Variants in EPSTI1 observed in about 807,000 individuals in gnomAD.
EPSTI1 encodes epithelial-stromal interaction protein 1.
EPSTI1 carries 66 observed loss-of-function variants against 49.9 expected under a neutral mutation model. The observed-to-expected ratio is 1.32, with a 90% CI of 1.08 to 1.62. The LOEUF (loss-of-function observed/expected upper bound fraction) is 1.62, where lower values mean the gene tolerates loss of function less well. EPSTI1 is among the 40% of genes most tolerant of loss of function. EPSTI1 has a pLI of 0.00. For missense variants in EPSTI1, 394 were observed against 365.5 expected (o/e 1.08, Z -0.64); for synonymous variants, 137 against 130.7 (o/e 1.05, Z -0.33).
chr13:42,979,194 C>T (rs1594759033), intron 1 of EPSTI1, among the ~76,000 whole-genome samples: 1 of 152,096 alleles, frequency 6.6e-6, no homozygotes, highest in South Asian at 2.1e-4. Context: ...TTACATTCTC[C>T]AGGTTCCAAA....
chr13:42,981,083 T>C (rs536451979), intron 1 of EPSTI1, among the ~76,000 whole-genome samples: 1 of 152,264 alleles, frequency 6.6e-6, no homozygotes, highest in African/African-American at 2.4e-5. Context: ...TCTACAGGAC[T>C]TTAATGGATT....
At chr13:42,931,548 T>C (rs2038374499) in intron 6 of EPSTI1, among the ~76,000 whole-genome samples, 1 of 152,254 alleles carries the variant, frequency 6.6e-6, no homozygotes. Context: ...CTAACCTGAC[T>C]CAAACATCAG....
chr13:42,964,046 T>G lies in EPSTI1; in HGVS notation c.405+20A>C, dbSNP rs2039536778. On this transcript the variant is annotated intron_variant, in intron 4 of 10. Coordinates refer to ENST00000313624, the MANE Select transcript of EPSTI1 (RefSeq NM_033255.5). ...CTCATATTCCTTACCAAAATTCAAC[T>G]AAAAGAGATGAATTCTGACCTTTTG... The G allele has an allele frequency of 2.5e-6, 4 of 1,607,322 alleles. No homozygotes were observed. Among genetic ancestry groups the G allele is most frequent in the Admixed American group, 1.7e-5 (1 of 59,464 alleles).
intron 8 of EPSTI1, among the ~76,000 whole-genome samples, chr13:42,911,258 T>C (rs1269855676): frequency 8.1e-6 from 1 of 124,122 alleles, no homozygotes; most frequent in Non-Finnish European, 1.7e-5. Flanking sequence ...TGTGTGTGTG[T>C]GTGTGTGCGC....
intron 10 of EPSTI1, 143 bp downstream of exon 10, chr13:42,894,866 T>C: frequency 1.5e-6 from 1 of 646,076 alleles, no homozygotes; most frequent in South Asian, 1.9e-5. Context: ...GTAATCCCCC[T>C]GGCTGACTGC....
chr13:42,989,560 C>CTTTTTTT (rs796370183), intron 1 of EPSTI1, among the ~76,000 whole-genome samples: 1 of 37,030 alleles, frequency 2.7e-5, no homozygotes. Context: ...ACTTTATCCT[C>CTTTTTTT]TTTTTTCTTT....
intron 1 of EPSTI1, among the ~76,000 whole-genome samples, chr13:42,990,948 TAGAA>T (rs1176288464): frequency 3.9e-5 from 6 of 152,324 alleles, no homozygotes; most frequent in Non-Finnish European, 5.9e-5. Flanking sequence ...TTCCATTGGC[TAGAA>T]AGAGAGGCTC....
At chr13:42,918,388 A>G (rs1376460627) in intron 7 of EPSTI1, among the ~76,000 whole-genome samples, 1 of 152,194 alleles carries the variant, frequency 6.6e-6, no homozygotes, top group East Asian at 1.9e-4. Flanking sequence ...TCTGTAAGGC[A>G]AAGAGCTAAT....
intron 8 of EPSTI1, among the ~76,000 whole-genome samples, chr13:42,916,115 C>T (rs2037822502): frequency 6.6e-6 from 1 of 152,062 alleles, no homozygotes; most frequent in Non-Finnish European, 1.5e-5. Context: ...AGCAAATGAA[C>T]ACTTTTACGT....
rs138873674 is a variant in EPSTI1, at chr13:42,957,664, C to T, written c.490-3643G>A. Reference sequence around the variant, plus strand: ...CATCTGGGCTCACTGCAACCTCTGCCTCCCAGGTTCAAGTGATCCTCATGC... The same window carrying T: ...CATCTGGGCTCACTGCAACCTCTGCTTCCCAGGTTCAAGTGATCCTCATGC... On this transcript the variant is annotated intron_variant, in intron 5 of 10. Transcript: ENST00000313624. Among the ~76,000 whole-genome samples, 307 of 152,318 alleles carry T rather than the reference C, an allele frequency of 2.0e-3. 1 individual carries two copies. The highest frequency in any genetic ancestry group is 3.5e-3 in the Non-Finnish European group (235 of 68,024).
intron 6 of EPSTI1, among the ~76,000 whole-genome samples, chr13:42,931,191 C>CTTTTTTTTTTTTTTTTTT: frequency 1.3e-5 from 1 of 77,628 alleles, no homozygotes; most frequent in African/African-American, 4.9e-5. Context: ...TTGCCTACAG[C>CTTTTTTTTTTTTTTTTTT]TTTTTTTTTT....
intron 5 of EPSTI1, among the ~76,000 whole-genome samples, chr13:42,959,621 A>C (rs2039382847): frequency 1.3e-5 from 2 of 152,204 alleles, no homozygotes; most frequent in Admixed American, 1.3e-4. Flanking sequence ...TATAGCATTA[A>C]AACTAACTGT....
rs1313506865 is a variant in EPSTI1, at chr13:42,979,943, G to C, written c.189-9273C>G. On this transcript the variant is annotated intron_variant, in intron 1 of 10. Transcript: ENST00000313624. ...TTACCTCATCCTAGATCCAATTATG[G>C]ATTACACATTTCTATGGTTTGACAT... Among the ~76,000 whole-genome samples, 3 of 151,254 alleles carry C rather than the reference G, an allele frequency of 2.0e-5. No individual in the cohort carries two copies. In the East Asian group the frequency reaches 5.8e-4, roughly 29 times the overall value.
intron 5 of EPSTI1, 81 bp downstream of exon 5, chr13:42,963,174 A>G: frequency 8.8e-7 from 1 of 1,134,066 alleles, no homozygotes. Context: ...ATAAATTTTT[A>G]AAGTTACTAT....
At chr13:42,945,176 C>T (rs2038881581) in intron 6 of EPSTI1, among the ~76,000 whole-genome samples, 1 of 152,184 alleles carries the variant, frequency 6.6e-6, no homozygotes, top group African/African-American at 2.4e-5. Context: ...GCCTCACAAT[C>T]GTGGCGAAAA....
chr13:42,957,228 T>C (rs1248522266), intron 5 of EPSTI1, among the ~76,000 whole-genome samples: 1 of 152,190 alleles, frequency 6.6e-6, no homozygotes, highest in Admixed American at 6.5e-5. Context: ...AGAATGAACA[T>C]ATGAGTTCAA....
At chr13:42,970,955 G>A (rs1180054964) in intron 1 of EPSTI1, among the ~76,000 whole-genome samples, 1 of 152,186 alleles carries the variant, frequency 6.6e-6, no homozygotes, top group Admixed American at 6.5e-5. Flanking sequence ...GTTCCTCTAG[G>A]TGGTGCTTGT....
In EPSTI1 at chr13:42,943,286, CAAG is replaced by C. The variant is rs527769732; in HGVS notation, c.563+10659_563+10661del. Among the ~76,000 whole-genome samples the C allele has an allele frequency of 2.8e-4, 42 of 152,272 alleles. 2 individuals are homozygous for C. In the East Asian group the frequency reaches 7.7e-3, roughly 28 times the overall value. On this transcript the variant is annotated intron_variant, in intron 6 of 10. Transcript: ENST00000313624. Reference sequence around the variant, plus strand: ...GGCCTTCTTAGTGAATCTTATGCATCAAGAAGAGTTCTCAGGCTCTATTGTTGG... The same window carrying C: ...GGCCTTCTTAGTGAATCTTATGCATCAAGAGTTCTCAGGCTCTATTGTTGG...
At chr13:42,919,151 A>G (rs994592594) in intron 7 of EPSTI1, 2 of 622,176 alleles carry the variant, frequency 3.2e-6, no homozygotes, top group African/African-American at 1.8e-5. Context: ...ATTAGAATAC[A>G]TGTCTTAGTT....
Sources: allele counts gnomAD v4.1 joint callset (sites outside exome capture counted in the v4.1 genomes callset), GRCh38; gene constraint gnomAD v4.1.1; transcripts MANE v1.5; gene names NCBI Gene and HGNC (gene_info 2026-07-23, HGNC 2026-07-21).